The following RPS6KA2 variants were observed in gnomAD, a reference collection of about 807,000 sequenced individuals.
RPS6KA2 encodes ribosomal protein S6 kinase alpha-2.
RPS6KA2 carries 42 observed loss-of-function variants against 91.8 expected under a neutral mutation model. The ratio of observed to expected loss-of-function variants is 0.46; its 90% confidence interval spans 0.36 to 0.59. The LOEUF (loss-of-function observed/expected upper bound fraction) is 0.59, where lower values mean the gene tolerates loss of function less well. RPS6KA2 is among the 20% of genes least tolerant of loss of function. The pLI is 0.00. For missense variants in RPS6KA2, 798 were observed against 978.5 expected, an observed-to-expected ratio of 0.82 and a Z score of 2.46; for synonymous variants, 414 against 393.6, an observed-to-expected ratio of 1.05 and a Z score of -0.61.
rs960176011 is a variant in RPS6KA2, at chr6:166,501,137, T to C, written c.567-213A>G. Among the ~76,000 whole-genome samples, 5 of 152,266 alleles carry C rather than the reference T, an allele frequency of 3.3e-5. No homozygotes were observed. In the East Asian group the frequency reaches 7.8e-4, roughly 24 times the overall value. Reference sequence around the variant, plus strand: ...GCTCCCAGCTCGAGAAAGCATTTGGTGCCACACCTCCTGGATAAAGGGATG... The same window carrying C: ...GCTCCCAGCTCGAGAAAGCATTTGGCGCCACACCTCCTGGATAAAGGGATG... On this transcript the variant is annotated intron_variant, in intron 6 of 20. Coordinates refer to ENST00000265678, the MANE Select transcript of RPS6KA2 (RefSeq NM_021135.6).
At chr6:166,633,758 C>T (rs907587785) in intron 2 of RPS6KA2, among the ~76,000 whole-genome samples, 7 of 152,176 alleles carry the variant, frequency 4.6e-5, no homozygotes, top group African/African-American at 9.7e-5. Context: ...AATTTATTCA[C>T]GTATCATGCA....
chr6:166,669,400 G>A (rs549498276), intron 2 of RPS6KA2, among the ~76,000 whole-genome samples: 2 of 152,260 alleles, frequency 1.3e-5, no homozygotes, highest in Non-Finnish European at 2.9e-5. Context: ...AGCTGAGAGA[G>A]GACAGCTATG....
intron 2 of RPS6KA2, among the ~76,000 whole-genome samples, chr6:166,658,894 G>A (rs1449609533): frequency 6.6e-6 from 1 of 152,174 alleles, no homozygotes; most frequent in East Asian, 1.9e-4. Context: ...TCAGCATGGG[G>A]TGAGGAGAGC....
Position 166,411,897 on chromosome 6 carries a change from A to ACAGCC in RPS6KA2, c.*864_*865insGGCTG, listed in dbSNP as rs1281241226. 6.6e-6 allele frequency: 1 copy of ACAGCC among 152,344 alleles called. No homozygotes were observed. The highest frequency in any genetic ancestry group is 2.4e-5 in the African/African-American group (1 of 41,464). The allele number at this position is 152,344 out of a possible 1,614,324, so 9.4% of individuals were successfully genotyped here. ...TTAGGTGAGCACACAGGAAGCCGACACAGGGCTGAGCAGGTGCGAGAACCC... is the reference window on the plus strand; with the variant it reads ...TTAGGTGAGCACACAGGAAGCCGACACAGCCCAGGGCTGAGCAGGTGCGAGAACCC... On this transcript the variant is annotated 3_prime_UTR_variant, in exon 21 of 21. Transcript: ENST00000265678. This position sits in a 1 kb window ranked among gnomAD's most constrained non-coding sequence, Gnocchi z 4.5.
chr6:166,589,669 G>A (rs142502976), intron 1 of RPS6KA2, among the ~76,000 whole-genome samples: 1 of 152,182 alleles, frequency 6.6e-6, no homozygotes, highest in Admixed American at 6.5e-5. Context: ...AGCTCCAATA[G>A]AGACTGTTGG....
chr6:166,410,215 G>C lies in RPS6KA2; in HGVS notation c.*2547C>G, dbSNP rs1405563074. 1 of 152,220 alleles carries C rather than the reference G, an allele frequency of 6.6e-6. No individual in the cohort carries two copies. The highest frequency in any genetic ancestry group is 2.4e-5 in the African/African-American group (1 of 41,444). The allele number at this position is 152,220 out of a possible 1,614,324, so 9.4% of individuals were successfully genotyped here. On this transcript the variant is annotated 3_prime_UTR_variant, in exon 21 of 21. Coordinates refer to ENST00000265678, the MANE Select transcript of RPS6KA2 (RefSeq NM_021135.6). ...TTATGATGAACTGTGTGAGGAAGGAGAGCCAGTTAACTTTTGGGGAGGTCT... is the reference window on the plus strand; with the variant it reads ...TTATGATGAACTGTGTGAGGAAGGACAGCCAGTTAACTTTTGGGGAGGTCT...
chr6:166,656,005 G>A (rs778984819), intron 2 of RPS6KA2, among the ~76,000 whole-genome samples: 12 of 152,222 alleles, frequency 7.9e-5, no homozygotes, highest in African/African-American at 1.9e-4. Context: ...GTAGATACAC[G>A]TGGCAGAACA....
At chr6:166,470,959 G>A (rs533095954) in intron 10 of RPS6KA2, among the ~76,000 whole-genome samples, 2 of 152,274 alleles carry the variant, frequency 1.3e-5, no homozygotes, top group South Asian at 2.1e-4. Flanking sequence ...GAGAAGAGGC[G>A]GGCTTGGCTG....
chr6:166,740,871 C>T (rs925049160), intron 2 of RPS6KA2, among the ~76,000 whole-genome samples: 4 of 152,240 alleles, frequency 2.6e-5, no homozygotes, highest in South Asian at 4.1e-4. Context: ...CCATGCATTG[C>T]GTGGGCAAAA....
At chr6:166,697,455 G>A (rs557074232) in intron 2 of RPS6KA2, among the ~76,000 whole-genome samples, 3 of 152,308 alleles carry the variant, frequency 2.0e-5, no homozygotes, top group South Asian at 2.1e-4. Flanking sequence ...TGAGGGAATC[G>A]ATGAACTCCC....
At chr6:166,581,436 C>T (rs182637979) in intron 1 of RPS6KA2, among the ~76,000 whole-genome samples, 1 of 152,198 alleles carries the variant, frequency 6.6e-6, no homozygotes, top group Non-Finnish European at 1.5e-5. Flanking sequence ...ACTGACGCCC[C>T]GCTCAGCCCT....
rs190342931 is a variant in RPS6KA2 at position 166,531,897 on chromosome 6, A to C, written c.217-584T>G. Among the ~76,000 whole-genome samples, 30 of 152,330 alleles carry C rather than the reference A, an allele frequency of 2.0e-4. No homozygotes were observed. The East Asian group carries it at 5.2e-3, about 26-fold the overall frequency. On this transcript the variant is annotated intron_variant, in intron 2 of 20. Transcript: ENST00000265678. ...TATCACTGAGAAAAACAACAAAAAA[A>C]GGTAATTGAGAGCTTGAGTTTAAAT...
intron 15 of RPS6KA2, among the ~76,000 whole-genome samples, chr6:166,432,197 C>T (rs1471814512): frequency 1.3e-5 from 2 of 152,188 alleles, no homozygotes; most frequent in African/African-American, 4.8e-5. Context: ...TTACTTGCTC[C>T]CTCCATGACT....
In RPS6KA2 at chr6:166,445,002, T is replaced by G. The variant is rs1779633507; in HGVS notation, c.1332+3722A>C. 2.0e-5 allele frequency among the ~76,000 whole-genome samples: 3 copies of G among 152,212 alleles called. No individual in the cohort carries two copies. Among genetic ancestry groups the G allele is most frequent in the Admixed American group, 2.0e-4 (3 of 15,280 alleles). On this transcript the variant is annotated intron_variant, in intron 14 of 20. Coordinates refer to ENST00000265678, the MANE Select transcript of RPS6KA2 (RefSeq NM_021135.6). The surrounding 1 kb of genome is among the most constrained non-coding windows in gnomAD (Gnocchi z 4.5). ...AGGTAAACTGGTTTCAGTAGAACCT[T>G]AAATGTAGTTTACGTTATTCAGGGT...
chr6:166,494,285 G>A lies in RPS6KA2; in HGVS notation c.748-3544C>T, dbSNP rs1258133339. Among the ~76,000 whole-genome samples the A allele has an allele frequency of 6.6e-6, 1 of 152,106 alleles. No individual in the cohort carries two copies. The highest frequency in any genetic ancestry group is 1.9e-4 in the East Asian group (1 of 5,168). On this transcript the variant is annotated intron_variant, in intron 8 of 20. Transcript: ENST00000265678. This position sits in a 1 kb window ranked among gnomAD's most constrained non-coding sequence, Gnocchi z 5.1. ...CGCTCCGTGTGCTGCACCCCACTCC[G>A]AGTGCCAAGAATCTCAGTCTCAAAA... is the stretch of plus-strand genomic sequence containing the variant.
chr6:166,524,583 G>C (rs998316132), intron 3 of RPS6KA2, among the ~76,000 whole-genome samples: 1 of 152,134 alleles, frequency 6.6e-6, no homozygotes, highest in Non-Finnish European at 1.5e-5. Context: ...CTATTCAGCA[G>C]AACTAAATAA....
intron 2 of RPS6KA2, among the ~76,000 whole-genome samples, chr6:166,642,396 G>C (rs1203724618): frequency 2.0e-5 from 3 of 152,218 alleles, no homozygotes; most frequent in Non-Finnish European, 2.9e-5. Context: ...TGTGGGTAAA[G>C]CTAGACACAC....
chr6:166,426,058 C>T (rs1160894427), intron 16 of RPS6KA2, among the ~76,000 whole-genome samples: 1 of 151,982 alleles, frequency 6.6e-6, no homozygotes, highest in Non-Finnish European at 1.5e-5. Context: ...GGAAGTAAAG[C>T]TCTCCTCAGC....
In RPS6KA2 at chr6:166,715,867, G is replaced by A. The variant is rs561472422; in HGVS notation, c.123+142333C>T. On this transcript the variant is annotated intron_variant, in intron 2 of 21. Coordinates refer to the RPS6KA2 transcript ENST00000503859. Reference sequence around the variant, plus strand: ...AGCCCGGGCAACATGGTGAAACCCCGTCTCTACTAAAAATACAAAAATTAG... The same window carrying A: ...AGCCCGGGCAACATGGTGAAACCCCATCTCTACTAAAAATACAAAAATTAG... 8.0e-4 allele frequency among the ~76,000 whole-genome samples: 122 copies of A among 151,986 alleles called. 1 individual carries two copies. Among genetic ancestry groups the A allele is most frequent in the African/African-American group, 2.9e-3 (119 of 41,448 alleles).
Sources: gnomAD v4.1 joint callset for allele counts (sites outside exome capture counted in the v4.1 genomes callset) on GRCh38, gnomAD v4.1.1 for gene constraint, Gnocchi (gnomAD v3.1) non-coding constraint, MANE v1.5 for transcripts, NCBI Gene and HGNC (gene_info 2026-07-23, HGNC 2026-07-21) for gene names.